The following ZDHHC13 variants were observed in gnomAD, a reference collection of about 807,000 sequenced individuals.
The protein encoded by ZDHHC13 is palmitoyltransferase ZDHHC13.
Under a neutral mutation model 86.0 loss-of-function variants are expected in ZDHHC13, and 85 were observed. The observed-to-expected ratio is 0.99, with a 90% CI of 0.83 to 1.18. ZDHHC13 has a LOEUF of 1.18. Among genes scored for constraint, ZDHHC13 ranks in the 50% most tolerant of loss-of-function variants. The pLI, the probability that ZDHHC13 is intolerant of heterozygous loss-of-function variation, is 0.00. For missense variants in ZDHHC13, 711 were observed against 730.2 expected (o/e 0.97, Z 0.30); for synonymous variants, 263 against 246.4 (o/e 1.07, Z -0.63).
intron 5 of ZDHHC13, among the ~76,000 whole-genome samples, chr11:19,149,743 A>G (rs1849560697): frequency 6.6e-6 from 1 of 152,184 alleles, no homozygotes; most frequent in Non-Finnish European, 1.5e-5. Flanking sequence ...TATGTTTCTT[A>G]TTGTTCTCTA....
intron 1 of ZDHHC13, among the ~76,000 whole-genome samples, chr11:19,141,583 A>G (rs548347681): frequency 4.6e-5 from 7 of 152,220 alleles, no homozygotes; most frequent in African/African-American, 1.7e-4. Flanking sequence ...CCTAGAAGTG[A>G]TAATGAACCC....
intron 14 of ZDHHC13, chr11:19,170,054 A>G: frequency 1.9e-6 from 2 of 1,060,188 alleles, no homozygotes; most frequent in African/African-American, 1.7e-5. Flanking sequence ...TAATAGACCC[A>G]TAGTTGCTAT....
At chr11:19,157,316 C>A (rs1318695836) in intron 9 of ZDHHC13, among the ~76,000 whole-genome samples, 2 of 152,154 alleles carry the variant, frequency 1.3e-5, no homozygotes, top group Non-Finnish European at 1.5e-5. Context: ...AGAAAAGAAT[C>A]TAAAGGGAAA....
intron 14 of ZDHHC13, 139 bp downstream of exon 14, chr11:19,166,524 A>G (rs1341429877): frequency 1.5e-5 from 9 of 594,250 alleles, no homozygotes; most frequent in Non-Finnish European, 2.3e-5. Flanking sequence ...TGCCTCTAAG[A>G]CTCCCTCAGC....
intron 1 of ZDHHC13, among the ~76,000 whole-genome samples, chr11:19,134,157 T>C (rs1849070977): frequency 6.6e-6 from 1 of 151,982 alleles, no homozygotes; most frequent in African/African-American, 2.4e-5. Flanking sequence ...TATTTAAAAA[T>C]CAGCTTTTTA....
rs1188626255 is a variant in ZDHHC13, at chr11:19,170,460, T to C, written c.1524T>C (p.Thr508=). Residue 508 remains threonine (T), a synonymous_variant, in exon 15 of 17, where the codon ACT becomes ACC. Coordinates refer to ENST00000446113, the MANE Select transcript of ZDHHC13 (RefSeq NM_019028.3). The stretch of plus-strand genomic sequence containing the variant: ...CATTCAAAGAAGATGGATTATGGAC[T>C]TACCTCAATCAGATTGTGGCCTGTT... ...ATTFKEDGLW[T]YLNQIVACSP... is the part of the protein sequence containing the mutation. 1 of 1,537,800 alleles carries C rather than the reference T, an allele frequency of 6.5e-7. No homozygotes were observed. The highest frequency in any genetic ancestry group is 8.8e-7 in the Non-Finnish European group (1 of 1,141,808).
Position 19,155,781 on chromosome 11 carries a change from T to G in ZDHHC13, c.874-15T>G. Reference sequence around the variant, plus strand: ...TAAAATCCATAAAGTTCTAAAATTCTGAATCTCTTAATAGCTCTTCCTGCT... The same window carrying G: ...TAAAATCCATAAAGTTCTAAAATTCGGAATCTCTTAATAGCTCTTCCTGCT... On this transcript the variant is annotated splice_polypyrimidine_tract_variant and intron_variant, in intron 8 of 16. Transcript: ENST00000446113. 1 of 1,606,598 alleles carries G rather than the reference T, an allele frequency of 6.2e-7. No homozygotes were observed. Among genetic ancestry groups the G allele is most frequent in the Admixed American group, 1.7e-5 (1 of 57,784 alleles).
chr11:19,146,451 T>G, intron 3 of ZDHHC13, 148 bp downstream of exon 3: 1 of 1,007,050 alleles, frequency 9.9e-7, no homozygotes, highest in Non-Finnish European at 1.3e-6. Flanking sequence ...CGTTGGTTAT[T>G]ATAAAGTTGA....
chr11:19,134,564 G>A (rs1000797494), intron 1 of ZDHHC13, among the ~76,000 whole-genome samples: 1 of 152,176 alleles, frequency 6.6e-6, no homozygotes, highest in Non-Finnish European at 1.5e-5. Context: ...GTAGGGACAT[G>A]GATGAAGCTG....
chr11:19,152,089 TA>T, intron 6 of ZDHHC13, 68 bp from the exon 7 acceptor site: 2 of 1,504,846 alleles, frequency 1.3e-6, no homozygotes, highest in South Asian at 2.5e-5. Flanking sequence ...AAAAGATTCA[TA>T]ATTTGCATTT....
intron 10 of ZDHHC13, among the ~76,000 whole-genome samples, chr11:19,162,664 G>A (rs1279118684): frequency 6.6e-6 from 1 of 152,102 alleles, no homozygotes; most frequent in Non-Finnish European, 1.5e-5. Flanking sequence ...TGATTCCCCT[G>A]CCATTTGTTT....
intron 3 of ZDHHC13, among the ~76,000 whole-genome samples, chr11:19,146,765 G>A (rs1230178638): frequency 6.6e-6 from 1 of 152,116 alleles, no homozygotes; most frequent in Non-Finnish European, 1.5e-5. Flanking sequence ...CCTTCATAAA[G>A]CACTACTGCC....
At chr11:19,163,623 G>A (rs573673707) in intron 11 of ZDHHC13, among the ~76,000 whole-genome samples, 196 bp downstream of exon 11, 7 of 151,976 alleles carry the variant, frequency 4.6e-5, no homozygotes, top group African/African-American at 1.7e-4. Context: ...TTTATTTTCT[G>A]TTGAAATAAT....
At chr11:19,171,896 G>C (rs1456608581) in intron 15 of ZDHHC13, among the ~76,000 whole-genome samples, 1 of 152,044 alleles carries the variant, frequency 6.6e-6, no homozygotes, top group Non-Finnish European at 1.5e-5. Context: ...CTGGGTAGTC[G>C]TGGCTTTGAC....
intron 9 of ZDHHC13, among the ~76,000 whole-genome samples, chr11:19,158,300 A>C (rs1289395442): frequency 6.6e-6 from 1 of 152,182 alleles, no homozygotes; most frequent in African/African-American, 2.4e-5. Flanking sequence ...TTAGTGTAAA[A>C]GACATTTTCT....
chr11:19,145,627 GC>G (rs753129762), intron 2 of ZDHHC13, among the ~76,000 whole-genome samples: 1 of 152,124 alleles, frequency 6.6e-6, no homozygotes, highest in Non-Finnish European at 1.5e-5. Context: ...GTTTCACATT[GC>G]TGATTTTTGT....
chr11:19,131,844 G>A (rs1849008603), intron 1 of ZDHHC13, among the ~76,000 whole-genome samples: 1 of 152,144 alleles, frequency 6.6e-6, no homozygotes, highest in Non-Finnish European at 1.5e-5. Context: ...ACATTGGTCA[G>A]GGTGGTCTTG....
chr11:19,157,214 C>T (rs1337372163), intron 9 of ZDHHC13, among the ~76,000 whole-genome samples: 1 of 152,158 alleles, frequency 6.6e-6, no homozygotes, highest in Non-Finnish European at 1.5e-5. Context: ...CACTTTCCTG[C>T]AACGTAAAGC....
intron 1 of ZDHHC13, among the ~76,000 whole-genome samples, chr11:19,135,814 C>T (rs1849122115): frequency 6.6e-6 from 1 of 152,250 alleles, no homozygotes; most frequent in African/African-American, 2.4e-5. Context: ...CAGGGGTAGA[C>T]TGACACCTCA....
Sources: gnomAD v4.1 joint callset for allele counts (sites outside exome capture counted in the v4.1 genomes callset) on GRCh38, gnomAD v4.1.1 for gene constraint, MANE v1.5 for transcripts, NCBI Gene and HGNC (gene_info 2026-07-23, HGNC 2026-07-21) for gene names.